DNAJC13: variants seen among roughly 807,000 people sequenced by gnomAD.
The protein encoded by DNAJC13 is DnaJ heat shock protein family (Hsp40) member C13.
Under a neutral mutation model 290.5 loss-of-function variants are expected in DNAJC13, and 75 were observed. The ratio of observed to expected loss-of-function variants is 0.26; its 90% CI spans 0.21 to 0.31. DNAJC13 has a LOEUF of 0.31. Ranked by LOEUF, DNAJC13 falls within the 10% of genes least tolerant of loss-of-function variation. The probability of loss-of-function intolerance (pLI) is 1.00; values close to 1 mark genes in which losing one functional copy is unlikely to be tolerated. For synonymous variants in DNAJC13, 862 were observed against 892.0 expected (o/e 0.97, Z 0.60); for missense variants, 2,260 against 2,674.5 (o/e 0.85, Z 3.42).
Position 132,446,541 on chromosome 3 carries a change from A to G in DNAJC13, c.135A>G (p.Val45=). The change falls in exon 3 of 56, where the codon GTA becomes GTG. Residue 45 remains valine, a synonymous_variant. Coordinates refer to ENST00000260818, the MANE Select transcript of DNAJC13 (RefSeq NM_015268.4). ...ITTYNPNTLE[V]TNQWPYGDIC... is the part of the protein sequence containing the mutation. ...CATATAATCCCAATACCTTAGAAGTAACAAATCAGGTAATCCTGTTAGAAG... is the reference window on the plus strand; with the variant it reads ...CATATAATCCCAATACCTTAGAAGTGACAAATCAGGTAATCCTGTTAGAAG... 1.2e-6 allele frequency: 2 copies of G among 1,601,100 alleles called. No individual in the cohort carries two copies. The highest frequency in any genetic ancestry group is 1.3e-5 in the African/African-American group (1 of 74,350).
chr3:132,510,354 T>G (rs774513680), intron 43 of DNAJC13, among the ~76,000 whole-genome samples: 1 of 152,170 alleles, frequency 6.6e-6, no homozygotes, highest in Non-Finnish European at 1.5e-5. Context: ...TTCTTCTGAG[T>G]GCTTGGGGAT....
At chr3:132,418,201 T>G (rs1045250254) in intron 1 of DNAJC13, among the ~76,000 whole-genome samples, 3 of 152,176 alleles carry the variant, frequency 2.0e-5, no homozygotes, top group East Asian at 3.9e-4. Context: ...CAGACTGACT[T>G]TCTTTGCTTT....
At chr3:132,448,064 A>G (rs921128643) in intron 5 of DNAJC13, 125 bp downstream of exon 5, 1 of 616,962 alleles carries the variant, frequency 1.6e-6, no homozygotes, top group Non-Finnish European at 2.8e-6. Flanking sequence ...CAAAATTGTA[A>G]TGTCTCCTGA....
intron 33 of DNAJC13, among the ~76,000 whole-genome samples, chr3:132,492,888 A>G (rs1362944884): frequency 6.6e-6 from 1 of 151,900 alleles, no homozygotes; most frequent in Non-Finnish European, 1.5e-5. Flanking sequence ...ATAATTATAT[A>G]TATATAGTAT....
At chr3:132,424,089 GT>G (rs1939031063) in intron 1 of DNAJC13, among the ~76,000 whole-genome samples, 1 of 152,080 alleles carries the variant, frequency 6.6e-6, no homozygotes, top group Non-Finnish European at 1.5e-5. Flanking sequence ...GGTCTATAAA[GT>G]TACAATAATG....
intron 51 of DNAJC13, 177 bp downstream of exon 51, chr3:132,523,890 T>A: frequency 1.7e-6 from 1 of 599,238 alleles, no homozygotes; most frequent in Non-Finnish European, 2.8e-6. Flanking sequence ...TGTTCAAAAG[T>A]GAAGCTCTTT....
chr3:132,419,703 A>T (rs1278487242), intron 1 of DNAJC13, among the ~76,000 whole-genome samples: 1 of 152,244 alleles, frequency 6.6e-6, no homozygotes, highest in Non-Finnish European at 1.5e-5. Flanking sequence ...AATTGAAACA[A>T]GGCTGTGCAG....
chr3:132,470,531 CAG>C (rs1934168076), intron 20 of DNAJC13, among the ~76,000 whole-genome samples: 5 of 135,466 alleles, frequency 3.7e-5, no homozygotes, highest in African/African-American at 1.4e-4. Flanking sequence ...GGTGGCCGGG[CAG>C]AGGGGCTCCT....
At chr3:132,438,361 A>C (rs139158674) in intron 2 of DNAJC13, among the ~76,000 whole-genome samples, 2,053 of 152,278 alleles carry the variant, frequency 0.013, 30 homozygotes, top group Non-Finnish European at 0.015. Context: ...TATATGGCCA[A>C]TTCTAATCTA....
intron 6 of DNAJC13, among the ~76,000 whole-genome samples, chr3:132,452,052 C>T (rs1330074024): frequency 6.6e-6 from 1 of 152,168 alleles, no homozygotes; most frequent in Admixed American, 6.5e-5. Flanking sequence ...CTTCCCTGGT[C>T]AGTGGTAATT....
intron 46 of DNAJC13, among the ~76,000 whole-genome samples, chr3:132,515,816 C>T (rs1451867540): frequency 6.6e-6 from 1 of 152,200 alleles, no homozygotes; most frequent in African/African-American, 2.4e-5. Flanking sequence ...TCATCTCAGC[C>T]TAATACTTTG....
At chr3:132,501,137 T>C (rs1935394633) in intron 39 of DNAJC13, among the ~76,000 whole-genome samples, 1 of 152,170 alleles carries the variant, frequency 6.6e-6, no homozygotes. Flanking sequence ...TAAAGGGAAG[T>C]GGGTTCCATC....
intron 16 of DNAJC13, among the ~76,000 whole-genome samples, chr3:132,462,736 G>A (rs1339519451): frequency 6.6e-6 from 1 of 152,162 alleles, no homozygotes; most frequent in African/African-American, 2.4e-5. Flanking sequence ...AAGTTGTAGA[G>A]CAAATAAATC....
intron 36 of DNAJC13, among the ~76,000 whole-genome samples, chr3:132,498,760 G>A (rs979863509): frequency 2.6e-5 from 4 of 151,496 alleles, no homozygotes; most frequent in African/African-American, 9.7e-5. Flanking sequence ...CTGTCGCCCA[G>A]GCTGGAGTGC....
At chr3:132,456,881 C>A in intron 12 of DNAJC13, 49 bp downstream of exon 12, 2 of 1,577,414 alleles carry the variant, frequency 1.3e-6, no homozygotes, top group Non-Finnish European at 8.6e-7. Flanking sequence ...TTGAACTACT[C>A]AAAATGGCAA....
chr3:132,475,789 A>C (rs1215025242), intron 22 of DNAJC13, among the ~76,000 whole-genome samples: 2 of 152,084 alleles, frequency 1.3e-5, no homozygotes, highest in Non-Finnish European at 2.9e-5. Flanking sequence ...ACCACTTCTC[A>C]AGTCATCTTT....
intron 55 of DNAJC13, among the ~76,000 whole-genome samples, chr3:132,533,479 G>C (rs1330645294): frequency 6.6e-6 from 1 of 151,822 alleles, no homozygotes; most frequent in Non-Finnish European, 1.5e-5. Flanking sequence ...GAGATTACAG[G>C]TGTGCACCAC....
chr3:132,425,098 A>AT (rs1330726775), intron 1 of DNAJC13, among the ~76,000 whole-genome samples: 1 of 152,150 alleles, frequency 6.6e-6, no homozygotes, highest in East Asian at 1.9e-4. Context: ...ATTTACTCAG[A>AT]TTTTGAATCC....
intron 16 of DNAJC13, among the ~76,000 whole-genome samples, chr3:132,463,404 T>C (rs1486667987): frequency 6.6e-6 from 1 of 152,210 alleles, no homozygotes; most frequent in Non-Finnish European, 1.5e-5. Flanking sequence ...CCTCTCCTTT[T>C]TGTTGGCAGC....
Sources: gnomAD v4.1 joint callset for allele counts (sites outside exome capture counted in the v4.1 genomes callset) on GRCh38, gnomAD v4.1.1 for gene constraint, MANE v1.5 for transcripts, NCBI Gene and HGNC (gene_info 2026-07-23, HGNC 2026-07-21) for gene names.